The following SCAI variants were observed in gnomAD, a reference collection of about 807,000 sequenced individuals.
SCAI encodes protein SCAI.
A neutral mutation model predicts 92.2 loss-of-function variants in SCAI; 24 were observed. The ratio of observed to expected loss-of-function variants is 0.26; its 90% CI spans 0.19 to 0.37. The LOEUF is 0.37. Ranked by LOEUF, SCAI falls within the 10% of genes least tolerant of loss-of-function variation. SCAI has a pLI of 1.00. For synonymous variants in SCAI, 261 were observed against 258.6 expected (o/e 1.01, Z -0.09); for missense variants, 450 against 736.2 (o/e 0.61, Z 4.50).
intron 3 of SCAI, among the ~76,000 whole-genome samples, chr9:125,043,791 T>C (rs1396129868): frequency 6.6e-6 from 1 of 152,194 alleles, no homozygotes; most frequent in Non-Finnish European, 1.5e-5. Context: ...CTGGAGCAGC[T>C]GCTGCAGGGA....
intron 2 of SCAI, among the ~76,000 whole-genome samples, chr9:125,079,041 AAT>A (rs1400924102): frequency 6.6e-6 from 1 of 150,610 alleles, no homozygotes; most frequent in Non-Finnish European, 1.5e-5. Context: ...CTATTTTGAT[AAT>A]AGTTTCCTCT....
chr9:125,125,945 C>CACAT (rs1481613619), intron 2 of SCAI, among the ~76,000 whole-genome samples: 1 of 151,060 alleles, frequency 6.6e-6, no homozygotes, highest in Admixed American at 6.6e-5. Flanking sequence ...CACACACACA[C>CACAT]ACACATTCTC....
chr9:125,085,235 C>T (rs757053200), intron 2 of SCAI, among the ~76,000 whole-genome samples: 63 of 152,110 alleles, frequency 4.1e-4, no homozygotes, highest in Middle Eastern at 3.4e-3. Context: ...GCCTGTAATC[C>T]CAGCGCTTCG....
intron 2 of SCAI, among the ~76,000 whole-genome samples, chr9:125,062,881 A>G (rs1219933533): frequency 1.6e-4 from 23 of 145,322 alleles, no homozygotes; most frequent in Non-Finnish European, 2.9e-4. Context: ...TTAGCTGGGC[A>G]TGGTGGCGCG....
chr9:124,948,574 C>T lies in SCAI; in HGVS notation c.*4233G>A, dbSNP rs1294715347. On this transcript the variant is annotated 3_prime_UTR_variant, in exon 18 of 18. Coordinates refer to ENST00000336505, the MANE Select transcript of SCAI (RefSeq NM_001144877.3). The stretch of plus-strand genomic sequence containing the variant: ...GAGGAGATCTGAGTTTTAGTTCTAG[C>T]TCTATCACTATGAATAGCTTTTTGG... The T allele has an allele frequency of 6.6e-6, 1 of 152,226 alleles. No individual in the cohort carries two copies. Among genetic ancestry groups the T allele is most frequent in the East Asian group, 1.9e-4 (1 of 5,200 alleles). 9.4% of individuals were successfully genotyped at this position (152,226 alleles called of 1,614,324 possible).
At chr9:125,140,511 A>T (rs1043246432) in intron 2 of SCAI, among the ~76,000 whole-genome samples, 27 of 151,970 alleles carry the variant, frequency 1.8e-4, no homozygotes, top group African/African-American at 6.3e-4. Context: ...ACGGGCAACA[A>T]AGTAAGACTT....
intron 3 of SCAI, among the ~76,000 whole-genome samples, chr9:125,053,353 C>T (rs868216393): frequency 1.1e-4 from 16 of 152,128 alleles, no homozygotes; most frequent in South Asian, 6.2e-4. Context: ...GGAAAACCTA[C>T]GCTCACATAA....
chr9:125,106,382 T>G (rs1185911701), intron 2 of SCAI, among the ~76,000 whole-genome samples: 1 of 151,582 alleles, frequency 6.6e-6, no homozygotes, highest in African/African-American at 2.4e-5. Flanking sequence ...GGATCTAGTT[T>G]GACAGCTCCT....
chr9:125,066,428 C>T (rs1483959631), intron 2 of SCAI, among the ~76,000 whole-genome samples: 2 of 151,220 alleles, frequency 1.3e-5, no homozygotes, highest in Non-Finnish European at 2.9e-5. Flanking sequence ...GATAGGTATA[C>T]CATTTTTTAT....
intron 13 of SCAI, among the ~76,000 whole-genome samples, chr9:124,995,466 T>C (rs375623245): frequency 7.2e-5 from 11 of 152,128 alleles, no homozygotes; most frequent in African/African-American, 2.4e-4. Context: ...AGGTAGTAAG[T>C]AGGAAAATCT....
intron 9 of SCAI, among the ~76,000 whole-genome samples, chr9:125,016,590 C>G (rs1475919440): frequency 1.3e-5 from 2 of 151,936 alleles, no homozygotes; most frequent in Non-Finnish European, 2.9e-5. Context: ...GCATAATAGA[C>G]AAACAGACCA....
intron 2 of SCAI, among the ~76,000 whole-genome samples, chr9:125,119,316 C>G (rs995999387): frequency 6.6e-6 from 1 of 152,114 alleles, no homozygotes; most frequent in African/African-American, 2.4e-5. Context: ...TGAATCATTC[C>G]GAAGTCACTG....
chr9:125,070,571 G>A (rs1376711668), intron 2 of SCAI, among the ~76,000 whole-genome samples: 4 of 151,714 alleles, frequency 2.6e-5, no homozygotes, highest in Non-Finnish European at 4.4e-5. Flanking sequence ...ACTAGTTTTT[G>A]TATTTTTAGT....
At chr9:125,032,254 C>T (rs983013446) in intron 3 of SCAI, among the ~76,000 whole-genome samples, 2 of 139,320 alleles carry the variant, frequency 1.4e-5, no homozygotes, top group Non-Finnish European at 3.0e-5. Context: ...TGCAGTGGCG[C>T]GATCTCGGCT....
At chr9:125,117,857 A>G (rs1835079206) in intron 2 of SCAI, among the ~76,000 whole-genome samples, 1 of 152,120 alleles carries the variant, frequency 6.6e-6, no homozygotes, top group Non-Finnish European at 1.5e-5. Flanking sequence ...AATTTTACAG[A>G]GCAAAACAAA....
rs1835641069 is a variant in SCAI, at chr9:125,140,431, G to A, written c.98+2202C>T. On this transcript the variant is annotated intron_variant, in intron 2 of 17. Transcript: ENST00000336505. ...TAATCCCAGCTAATCGGGAGGCTGA[G>A]GAAAGAGAATTGCTTGAACCCAGGA... 1.3e-5 allele frequency among the ~76,000 whole-genome samples: 2 copies of A among 152,076 alleles called. 1 individual carries two copies. Among genetic ancestry groups the A allele is most frequent in the Admixed American group, 1.3e-4 (2 of 15,258 alleles).
intron 2 of SCAI, among the ~76,000 whole-genome samples, chr9:125,057,603 G>A (rs1042823135): frequency 3.9e-5 from 6 of 152,130 alleles, no homozygotes; most frequent in Non-Finnish European, 8.8e-5. Context: ...CATGGTTGTC[G>A]GAATATAAGC....
At chr9:125,019,852 T>C (rs893594421) in intron 7 of SCAI, among the ~76,000 whole-genome samples, 6 of 151,976 alleles carry the variant, frequency 3.9e-5, no homozygotes, top group African/African-American at 9.7e-5. Context: ...GGCTGGCGGA[T>C]TGCTTGAACT....
At chr9:124,963,022 C>T (rs1422529043) in intron 17 of SCAI, among the ~76,000 whole-genome samples, 1 of 151,620 alleles carries the variant, frequency 6.6e-6, no homozygotes, top group African/African-American at 2.4e-5. Flanking sequence ...TGGTCTTGAA[C>T]TCCTGACCTC....
Sources: gnomAD v4.1 joint callset for allele counts (sites outside exome capture counted in the v4.1 genomes callset) on GRCh38, gnomAD v4.1.1 for gene constraint, MANE v1.5 for transcripts, NCBI Gene and HGNC (gene_info 2026-07-23, HGNC 2026-07-21) for gene names.